The following FAT4 variants were observed in gnomAD, a reference collection of about 807,000 sequenced individuals.
FAT4 encodes FAT atypical cadherin 4.
Under a neutral mutation model 303.9 loss-of-function variants are expected in FAT4, and 84 were observed. That is an observed-to-expected ratio of 0.28 (90% confidence interval 0.23 to 0.33). FAT4 has a LOEUF of 0.33. Ranked by LOEUF, FAT4 falls within the 10% of genes least tolerant of loss-of-function variation. The pLI, the probability that FAT4 is intolerant of heterozygous loss-of-function variation, is 1.00. For missense variants in FAT4, 6,005 were observed against 6,146.8 expected, an observed-to-expected ratio of 0.98 and a Z score of 0.77; for synonymous variants, 2,307 against 2,298.8, an observed-to-expected ratio of 1.00 and a Z score of -0.10.
Position 125,434,565 on chromosome 4 carries a change from CAATT to C in FAT4, c.7199+141_7199+144del. 13 of 620,780 alleles carry C rather than the reference CAATT, an allele frequency of 2.1e-5. 1 individual carries two copies. Among genetic ancestry groups the C allele is most frequent in the Non-Finnish European group, 3.0e-5 (11 of 370,978 alleles). The allele number at this position is 620,780 out of a possible 1,614,324, so 38.5% of individuals were successfully genotyped here. ...CTTGTTATCCATTGCTGATAGCCAA[CAATT>C]CATTAAATGAAGATTCAAACAGTAA... On this transcript the variant is annotated intron_variant, in intron 8 of 17. Transcript: ENST00000394329.
rs771598800 is a variant in FAT4 at position 125,317,127 on chromosome 4, C to T, written c.716C>T (p.Thr239Ile). ...CGGGGCTACCTTCAGGTAAACGTGA[C>T]TGTGCAAGACATTAATGACAACCCC... Reference protein sequence around the residue: ...KRRGYLQVNVTVQDINDNPPV... With the variant: ...KRRGYLQVNVIVQDINDNPPV... Residue 239 changes from threonine to isoleucine, a missense_variant, in exon 2 of 18, where the codon ACT becomes ATT. Physicochemically the swap from Thr to Ile is moderately conservative, Grantham distance 89. Transcript: ENST00000394329. The surrounding 1 kb of genome is among the most constrained non-coding windows in gnomAD (Gnocchi z 7.0). 1.2e-6 allele frequency: 2 copies of T among 1,613,484 alleles called. No homozygotes were observed. The highest frequency in any genetic ancestry group is 2.2e-5 in the East Asian group (1 of 44,856).
chr4:125,326,908 C>T (rs905363547), intron 2 of FAT4, among the ~76,000 whole-genome samples: 2 of 152,006 alleles, frequency 1.3e-5, no homozygotes, highest in Admixed American at 1.3e-4. Context: ...GCCTGTAGTC[C>T]CAGCTACTTG....
intron 2 of FAT4, among the ~76,000 whole-genome samples, chr4:125,375,507 T>G (rs1391241161): frequency 1.3e-5 from 2 of 152,150 alleles, no homozygotes; most frequent in Non-Finnish European, 2.9e-5. Flanking sequence ...GATACCCTGG[T>G]GAGAGAGGTT....
intron 2 of FAT4, among the ~76,000 whole-genome samples, chr4:125,335,594 C>T (rs947383607): frequency 7.9e-5 from 12 of 151,724 alleles, no homozygotes; most frequent in Admixed American, 7.9e-4. Context: ...CTATAATTTA[C>T]ATATTTTTTA....
chr4:125,336,565 C>T (rs1176684727), intron 2 of FAT4, among the ~76,000 whole-genome samples: 3 of 151,924 alleles, frequency 2.0e-5, no homozygotes, highest in African/African-American at 7.2e-5. Context: ...ACCTTTCTTT[C>T]ATTTTAATAT....
intron 2 of FAT4, among the ~76,000 whole-genome samples, chr4:125,367,989 A>C (rs1398964803): frequency 6.6e-6 from 1 of 152,174 alleles, no homozygotes; most frequent in Non-Finnish European, 1.5e-5. Flanking sequence ...TAAATCTGCC[A>C]GTCCAGTTTT....
At chr4:125,460,383 G>A (rs1021406138) in intron 10 of FAT4, among the ~76,000 whole-genome samples, 1 of 151,856 alleles carries the variant, frequency 6.6e-6, no homozygotes, top group Non-Finnish European at 1.5e-5. Flanking sequence ...TCATCAACTA[G>A]GAATTAAGCC....
intron 7 of FAT4, among the ~76,000 whole-genome samples, chr4:125,421,288 C>A (rs1158283953): frequency 6.6e-6 from 1 of 152,160 alleles, no homozygotes; most frequent in Non-Finnish European, 1.5e-5. Context: ...TCTTCCATAT[C>A]TCCCACATAT....
At position 125,451,153 on chromosome 4, in the gene FAT4, C is replaced by T; in HGVS notation, c.10143C>T (p.Gly3381=). The T allele has an allele frequency of 1.2e-6, 2 of 1,614,124 alleles. No individual in the cohort carries two copies. The highest frequency in any genetic ancestry group is 1.7e-6 in the Non-Finnish European group (2 of 1,180,014). The change falls in exon 10 of 18, where the codon GGC becomes GGT. Residue 3381 remains glycine, a synonymous_variant. Coordinates refer to ENST00000394329, the MANE Select transcript of FAT4 (RefSeq NM_001291303.3). The part of the protein sequence containing the change: ...VSLKVLAKNF[G]SIRGADIDEV... The stretch of plus-strand genomic sequence containing the variant: ...TGAAGGTATTGGCCAAGAACTTTGG[C>T]AGCATTAGAGGTGCAGATATAGATG...
intron 2 of FAT4, among the ~76,000 whole-genome samples, chr4:125,397,721 T>A (rs1386135925): frequency 6.6e-6 from 1 of 152,170 alleles, no homozygotes; most frequent in Non-Finnish European, 1.5e-5. Context: ...ATGATGACAG[T>A]CCTACTTACT....
intron 2 of FAT4, among the ~76,000 whole-genome samples, chr4:125,379,832 A>AAC (rs558752724): frequency 6.6e-6 from 1 of 150,590 alleles, no homozygotes; most frequent in African/African-American, 2.4e-5. Context: ...TAAAAAAAAA[A>AAC]ACACACACAT....
At chr4:125,432,286 C>T (rs1002512919) in intron 7 of FAT4, among the ~76,000 whole-genome samples, 4 of 152,166 alleles carry the variant, frequency 2.6e-5, no homozygotes, top group Non-Finnish European at 2.9e-5. Context: ...AGTGACATTC[C>T]TCACTAGGTC....
intron 10 of FAT4, among the ~76,000 whole-genome samples, chr4:125,456,085 T>C (rs1726267137): frequency 6.6e-6 from 1 of 152,200 alleles, no homozygotes; most frequent in African/African-American, 2.4e-5. Flanking sequence ...CAGTCTTTTT[T>C]GCTGGCAGAA....
In FAT4 at chr4:125,382,337, A is replaced by G. The variant is rs1471590586; in HGVS notation, c.5176-16447A>G. On this transcript the variant is annotated intron_variant, in intron 2 of 17. Transcript: ENST00000394329. ...GAAAGTTTAGATTACTCCTTGATCCATTGGCTGCAGAATGGATGCTGTGTT... is the reference window on the plus strand; with the variant it reads ...GAAAGTTTAGATTACTCCTTGATCCGTTGGCTGCAGAATGGATGCTGTGTT... Among the ~76,000 whole-genome samples the G allele has an allele frequency of 2.0e-5, 3 of 152,208 alleles. No individual in the cohort carries two copies. In the East Asian group the frequency reaches 5.8e-4, roughly 29 times the overall value.
At chr4:125,385,833 T>A (rs551824078) in intron 2 of FAT4, among the ~76,000 whole-genome samples, 2 of 152,320 alleles carry the variant, frequency 1.3e-5, no homozygotes, top group East Asian at 1.9e-4. Context: ...TTAAAAAAAA[T>A]TCAGCTTTTC....
At chr4:125,411,868 A>G (rs951663611) in intron 5 of FAT4, among the ~76,000 whole-genome samples, 7 of 150,788 alleles carry the variant, frequency 4.6e-5, no homozygotes, top group African/African-American at 1.5e-4. Flanking sequence ...ATATATATAT[A>G]TATATGACGA....
At chr4:125,455,861 G>A (rs527386686) in intron 10 of FAT4, among the ~76,000 whole-genome samples, 76 of 152,318 alleles carry the variant, frequency 5.0e-4, no homozygotes, top group Middle Eastern at 3.4e-3. Flanking sequence ...CTCAGACTTT[G>A]AGGCAGGAAA....
chr4:125,487,723 T>G, intron 17 of FAT4, 117 bp downstream of exon 17: 3 of 971,124 alleles, frequency 3.1e-6, no homozygotes, highest in Non-Finnish European at 1.4e-6. Flanking sequence ...CAGAACAATT[T>G]CATTCAATAA....
In FAT4 at chr4:125,466,444, A is replaced by G. The variant is rs149907371; in HGVS notation, c.11906-2068A>G. Among the ~76,000 whole-genome samples, 1,048 of 151,934 alleles carry G rather than the reference A, an allele frequency of 6.9e-3. 14 individuals are homozygous for G. Among genetic ancestry groups the G allele is most frequent in the African/African-American group, 0.023 (971 of 41,532 alleles). On this transcript the variant is annotated intron_variant, in intron 11 of 17. Transcript: ENST00000394329. ...AACACATAATACAAATTTTTTCAGT[A>G]GTATTTTTATTTCATTTATATGCTT...
Sources: allele counts gnomAD v4.1 joint callset (sites outside exome capture counted in the v4.1 genomes callset), GRCh38; gene constraint gnomAD v4.1.1; non-coding constraint Gnocchi (gnomAD v3.1); transcripts MANE v1.5; gene names NCBI Gene and HGNC (gene_info 2026-07-23, HGNC 2026-07-21).